Variants in WDPCP observed in about 807,000 individuals in gnomAD.
WDPCP encodes the protein WD repeat-containing and planar cell polarity effector protein fritz homolog.
WDPCP carries 71 observed loss-of-function variants against 93.1 expected under a neutral mutation model. The observed-to-expected ratio is 0.76, with a 90% CI of 0.63 to 0.93. WDPCP has a LOEUF of 0.93. Ranked by LOEUF, WDPCP falls within the 40% of genes least tolerant of loss-of-function variation. The pLI is 0.00. For missense variants in WDPCP, 844 were observed against 887.4 expected (o/e 0.95, Z 0.62); for synonymous variants, 315 against 315.0 (o/e 1.00, Z 0.00).
intron 2 of WDPCP, chr2:63,752,724 T>C (rs1410804013): frequency 3.9e-6 from 1 of 259,412 alleles, no homozygotes; most frequent in African/African-American, 2.2e-5. Context: ...GTTATATTCT[T>C]AATCCATTTT....
At chr2:63,802,608 C>A (rs1044132597) in intron 2 of WDPCP, among the ~76,000 whole-genome samples, 1 of 152,046 alleles carries the variant, frequency 6.6e-6, no homozygotes, top group African/African-American at 2.4e-5. Flanking sequence ...ACATTTCCTA[C>A]AGATGATGAT....
intron 1 of WDPCP, among the ~76,000 whole-genome samples, chr2:63,524,994 TA>T (rs1434628795): frequency 1.3e-5 from 2 of 152,048 alleles, no homozygotes; most frequent in Non-Finnish European, 2.9e-5. Context: ...AGAATCAACC[TA>T]AAAGTTCATC....
chr2:63,688,745 A>G (rs1358338919), intron 2 of WDPCP, among the ~76,000 whole-genome samples: 1 of 152,148 alleles, frequency 6.6e-6, no homozygotes, highest in Non-Finnish European at 1.5e-5. Context: ...ATACCCCATA[A>G]ATATATATAC....
chr2:63,449,211 C>G lies in WDPCP; in HGVS notation c.385-9340G>C, dbSNP rs554757099. 9.2e-5 allele frequency among the ~76,000 whole-genome samples: 14 copies of G among 152,200 alleles called. No individual in the cohort carries two copies. The South Asian group carries it at 2.1e-3, about 23-fold the overall frequency. The stretch of plus-strand genomic sequence containing the variant: ...ATTTGCAGGGAGTTTTACAACTTCT[C>G]CTCCCAAATATTTGATAACCTCTCT... On this transcript the variant is annotated intron_variant, in intron 6 of 17. Coordinates refer to ENST00000272321, the MANE Select transcript of WDPCP (RefSeq NM_015910.7).
At chr2:63,310,531 C>A (rs1284711077) in intron 13 of WDPCP, among the ~76,000 whole-genome samples, 4 of 151,914 alleles carry the variant, frequency 2.6e-5, no homozygotes, top group African/African-American at 9.7e-5. Context: ...AAAAAAAAAT[C>A]ACAGGAACAA....
At chr2:63,643,527 T>G in intron 3 of WDPCP, 1 of 415,906 alleles carries the variant, frequency 2.4e-6, no homozygotes, top group South Asian at 2.0e-5. Context: ...ATGTTGAACT[T>G]GATAAAATCA....
chr2:63,174,941 CTT>C, intron 14 of WDPCP, 109 bp from the exon 15 acceptor site: 1 of 1,239,190 alleles, frequency 8.1e-7, no homozygotes, highest in Admixed American at 1.8e-5. Flanking sequence ...GAACTTTTTT[CTT>C]TGTCAATTTC....
At chr2:63,575,467 G>GTATATACAGTATATACACTGTATATA (rs1558832897) in intron 1 of WDPCP, among the ~76,000 whole-genome samples, 1 of 6,842 alleles carries the variant, frequency 1.5e-4, no homozygotes, top group African/African-American at 6.1e-4. Context: ...CAGTATATAT[G>GTATATACAGTATATACACTGTATATA]CAGTATATAC....
chr2:63,648,693 C>T (rs959558138), intron 3 of WDPCP, among the ~76,000 whole-genome samples: 15 of 152,170 alleles, frequency 9.9e-5, no homozygotes, highest in South Asian at 2.1e-4. Context: ...TTTTGTTGCA[C>T]GAATAAGTAG....
intron 14 of WDPCP, among the ~76,000 whole-genome samples, chr2:63,200,922 TG>T (rs1337391553): frequency 1.3e-5 from 2 of 151,998 alleles, no homozygotes; most frequent in Non-Finnish European, 2.9e-5. Context: ...AAGGCATGAT[TG>T]TGTTTTGAAA....
At chr2:63,637,818 T>G (rs996280126) in intron 3 of WDPCP, among the ~76,000 whole-genome samples, 4 of 152,172 alleles carry the variant, frequency 2.6e-5, no homozygotes, top group African/African-American at 9.7e-5. Flanking sequence ...AAATGAAAAC[T>G]GTCTCAAATT....
At chr2:63,186,633 G>A (rs895456238) in intron 14 of WDPCP, among the ~76,000 whole-genome samples, 1 of 152,232 alleles carries the variant, frequency 6.6e-6, no homozygotes, top group African/African-American at 2.4e-5. Flanking sequence ...AGGAAAGGTA[G>A]ATCACAGAGG....
chr2:63,348,564 T>A (rs947205691), intron 12 of WDPCP, among the ~76,000 whole-genome samples: 1 of 152,150 alleles, frequency 6.6e-6, no homozygotes, highest in African/African-American at 2.4e-5. Context: ...ATAGACTGAC[T>A]CTATTACCAT....
At chr2:63,163,473 A>G (rs143751043) in intron 15 of WDPCP, among the ~76,000 whole-genome samples, 113 of 152,308 alleles carry the variant, frequency 7.4e-4, no homozygotes, top group African/African-American at 2.6e-3. Flanking sequence ...AGTTTTATGT[A>G]ATATACATTA....
intron 9 of WDPCP, among the ~76,000 whole-genome samples, chr2:63,416,952 CTTGT>C (rs1262233589): frequency 2.0e-5 from 3 of 152,208 alleles, no homozygotes; most frequent in African/African-American, 7.2e-5. Flanking sequence ...GGCCTGACCC[CTTGT>C]TTTGACAATA....
chr2:63,234,415 C>G (rs1394388891), intron 14 of WDPCP, among the ~76,000 whole-genome samples: 2 of 152,102 alleles, frequency 1.3e-5, no homozygotes, highest in Admixed American at 6.6e-5. Flanking sequence ...GAACATGCCA[C>G]TGCATTCCAG....
At chr2:63,691,404 G>A (rs1015057211) in intron 2 of WDPCP, among the ~76,000 whole-genome samples, 3 of 152,186 alleles carry the variant, frequency 2.0e-5, no homozygotes, top group Non-Finnish European at 2.9e-5. Context: ...GGAGGCTAAG[G>A]CGGGCAGATC....
At chr2:63,236,445 A>G (rs1014524774) in intron 14 of WDPCP, among the ~76,000 whole-genome samples, 4 of 152,206 alleles carry the variant, frequency 2.6e-5, no homozygotes, top group African/African-American at 7.2e-5. Flanking sequence ...TCCAGTTACC[A>G]AGGTCATTTT....
intron 2 of WDPCP, among the ~76,000 whole-genome samples, chr2:63,661,666 T>C (rs1017247957): frequency 6.6e-6 from 1 of 152,218 alleles, no homozygotes. Flanking sequence ...TGTCAATCTA[T>C]GGAGATAAAT....
Sources: gnomAD v4.1 joint callset for allele counts (sites outside exome capture counted in the v4.1 genomes callset) on GRCh38, gnomAD v4.1.1 for gene constraint, MANE v1.5 for transcripts, NCBI Gene and HGNC (gene_info 2026-07-23, HGNC 2026-07-21) for gene names.